GATA2: variants seen among roughly 807,000 people sequenced by gnomAD.
GATA2 encodes the protein endothelial transcription factor GATA-2.
GATA2 carries 6 observed loss-of-function variants against 35.7 expected under a neutral mutation model. That is an observed-to-expected ratio of 0.17 (90% CI 0.09 to 0.33). The LOEUF (loss-of-function observed/expected upper bound fraction) is 0.33, where lower values mean the gene tolerates loss of function less well. GATA2 is among the 10% of genes least tolerant of loss of function. The pLI is 1.00. For missense variants in GATA2, 541 were observed against 656.6 expected, an observed-to-expected ratio of 0.82 and a Z score of 1.92; for synonymous variants, 313 against 274.9, an observed-to-expected ratio of 1.14 and a Z score of -1.37.
chr3:128,479,911 C>G lies in GATA2; in HGVS notation c.*1108G>C, dbSNP rs2068602765. On this transcript the variant is annotated 3_prime_UTR_variant, in exon 6 of 6. Coordinates refer to ENST00000341105, the MANE Select transcript of GATA2 (RefSeq NM_032638.5). ...CTGCCCCCAACTCCTGCCTTCACCC[C>G]CTGCCAGGCCAGCAAATGCCAACCA... is the stretch of plus-strand genomic sequence containing the variant. 4.3e-6 allele frequency: 1 copy of G among 232,762 alleles called. No individual in the cohort carries two copies. Among genetic ancestry groups the G allele is most frequent in the African/African-American group, 2.2e-5 (1 of 45,280 alleles). 14.4% of individuals were successfully genotyped at this position (232,762 alleles called of 1,614,324 possible). A position where few individuals can be genotyped will look rare whatever the true frequency, so the allele number is the denominator to read the frequency against.
At chr3:128,485,414 G>C (rs2068681470) in intron 3 of GATA2, among the ~76,000 whole-genome samples, 1 of 152,118 alleles carries the variant, frequency 6.6e-6, no homozygotes, top group Non-Finnish European at 1.5e-5. Flanking sequence ...GAGGTGGCTT[G>C]AATTTTCACT....
chr3:128,486,374 G>C lies in GATA2; in HGVS notation c.230-6C>G. The C allele has an allele frequency of 6.3e-7, 1 of 1,597,306 alleles. No homozygotes were observed. Among genetic ancestry groups the C allele is most frequent in the Non-Finnish European group, 8.5e-7 (1 of 1,177,518 alleles). ...CTGGCCTCCGGTCAGGCGGGCTGCGGGCAAAGAGAGAGAGGATCAGGGTGG... is the reference window on the plus strand; with the variant it reads ...CTGGCCTCCGGTCAGGCGGGCTGCGCGCAAAGAGAGAGAGGATCAGGGTGG... On this transcript the variant is annotated splice_region_variant and splice_polypyrimidine_tract_variant and intron_variant, in intron 2 of 5. Transcript: ENST00000341105.
chr3:128,491,002 G>T (rs1366802460), intron 1 of GATA2, among the ~76,000 whole-genome samples: 1 of 152,200 alleles, frequency 6.6e-6, no homozygotes, highest in Admixed American at 6.5e-5. Flanking sequence ...GACTGGAGAA[G>T]GTCAGCCAGG....
chr3:128,483,652 G>A (rs1002929576), intron 4 of GATA2, among the ~76,000 whole-genome samples: 13 of 152,194 alleles, frequency 8.5e-5, no homozygotes, highest in Non-Finnish European at 1.8e-4. Flanking sequence ...AGGGTGCCCG[G>A]TGGGCTCCCT....
At position 128,486,226 on chromosome 3, in the gene GATA2, C is replaced by A; in HGVS notation, c.372G>T (p.Thr124=). ...CTCCAGCAGCTGAGGGGTGCAGTGG[C>A]GTCTTGGAGAAGGGGCTCACGGTCC... is the stretch of plus-strand genomic sequence containing the variant. ...NPWTVSPFSK[T]PLHPSAAGGP... is the part of the protein sequence containing the mutation. Residue 124 remains threonine, a synonymous_variant, in exon 3 of 6, where the codon ACG becomes ACT. Coordinates refer to ENST00000341105, the MANE Select transcript of GATA2 (RefSeq NM_032638.5). 6.4e-7 allele frequency: 1 copy of A among 1,561,200 alleles called. No individual in the cohort carries two copies. Among genetic ancestry groups the A allele is most frequent in the Non-Finnish European group, 8.7e-7 (1 of 1,152,786 alleles).
At chr3:128,486,490 GA>G in intron 2 of GATA2, 122 bp from the exon 3 acceptor site, 1 of 1,244,108 alleles carries the variant, frequency 8.0e-7, no homozygotes, top group Non-Finnish European at 1.1e-6. Flanking sequence ...CCTCCCCAAA[GA>G]AAGCCAGAAA....
At chr3:128,483,069 C>T (rs1379982984) in intron 4 of GATA2, among the ~76,000 whole-genome samples, 1 of 152,238 alleles carries the variant, frequency 6.6e-6, no homozygotes, top group Non-Finnish European at 1.5e-5. Context: ...TCCACCTCTA[C>T]CCCCACCCGG....
Position 128,486,001 on chromosome 3 carries a change from C to A in GATA2, c.597G>T (p.Gly199=). The change falls in exon 3 of 6, where the codon GGG becomes GGT. Residue 199 remains glycine, a synonymous_variant. Transcript: ENST00000341105. The part of the protein sequence containing the change: ...GAASPASSSA[G]GSAARGEDKD... ...TGTCCTCTCCTCGGGCTGCACTACCCCCCGCGGAAGATGAGGCTGGAGACG... is the reference window on the plus strand; with the variant it reads ...TGTCCTCTCCTCGGGCTGCACTACCACCCGCGGAAGATGAGGCTGGAGACG... 6.2e-7 allele frequency: 1 copy of A among 1,614,208 alleles called. No homozygotes were observed. The highest frequency in any genetic ancestry group is 8.5e-7 in the Non-Finnish European group (1 of 1,180,022).
chr3:128,486,504 T>A, intron 2 of GATA2, 136 bp from the exon 3 acceptor site: 1 of 1,092,744 alleles, frequency 9.2e-7, no homozygotes, highest in Middle Eastern at 2.9e-4. Context: ...GCCAGAAACA[T>A]AATACCCCAC....
rs1278414376 is a variant in GATA2 at position 128,486,987 on chromosome 3, G to C, written c.45C>G (p.Ala15=). The C allele has an allele frequency of 2.5e-6, 4 of 1,607,530 alleles. No individual in the cohort carries two copies. The highest frequency in any genetic ancestry group is 2.2e-5 in the East Asian group (1 of 44,654). The change falls in exon 2 of 6, where the codon GCC becomes GCG. Residue 15 remains alanine (A), a synonymous_variant. Coordinates refer to ENST00000341105, the MANE Select transcript of GATA2 (RefSeq NM_032638.5). ...AGTCGGGGTGCTGCGCATTCAGCAC[G>C]GCCGGGTGCGCCATCCAGCGCGGCT... The part of the protein sequence containing the change: ...PEQPRWMAHP[A]VLNAQHPDSH...
At position 128,488,675 on chromosome 3, in the gene GATA2, C is replaced by G. The variant is rs2068738131; in HGVS notation, c.-45-1599G>C. 1 of 152,190 alleles carries G rather than the reference C, an allele frequency of 6.6e-6. No homozygotes were observed. Among genetic ancestry groups the G allele is most frequent in the African/African-American group, 2.4e-5 (1 of 41,434 alleles). The allele number at this position is 152,190 out of a possible 1,614,324, so 9.4% of individuals were successfully genotyped here. On this transcript the variant is annotated intron_variant, in intron 1 of 5. Coordinates refer to ENST00000341105, the MANE Select transcript of GATA2 (RefSeq NM_032638.5). This position sits in a 1 kb window ranked among gnomAD's most constrained non-coding sequence, Gnocchi z 5.8. ...CGGCGCCAGCTGGAGGGAGACGCCC[C>G]CGGGCAAGAGGTGGCATTTTTTTTC...
In GATA2 at chr3:128,486,872, A is replaced by C. The variant is rs1576749771; in HGVS notation, c.160T>G (p.Ser54Ala). 1 of 1,612,638 alleles carries C rather than the reference A, an allele frequency of 6.2e-7. No homozygotes were observed. Among genetic ancestry groups the C allele is most frequent in the Non-Finnish European group, 8.5e-7 (1 of 1,179,590 alleles). ...EVDVFFNHLD[S>A]QGNPYYANPA... is the part of the protein sequence containing the mutation. ...TTGGCATAGTAGGGGTTGCCCTGCG[A>C]GTCGAGGTGATTGAAGAAGACGTCC... The change falls in exon 2 of 6, where the codon TCG (serine) becomes GCG (alanine). Residue 54 changes from serine to alanine, a missense_variant. Physicochemically the swap from Ser to Ala is moderately conservative, Grantham distance 99. Transcript: ENST00000341105.
In GATA2 at chr3:128,487,041, C is replaced by T. The variant is rs1016508162; in HGVS notation, c.-10G>A. ...CGGGCGCCACCTCCATGGCCGGCGGCGGCGGCTCAGGGTCTGGGTGCAGAC... is the reference window on the plus strand; with the variant it reads ...CGGGCGCCACCTCCATGGCCGGCGGTGGCGGCTCAGGGTCTGGGTGCAGAC... On this transcript the variant is annotated 5_prime_UTR_variant, in exon 2 of 6. Coordinates refer to ENST00000341105, the MANE Select transcript of GATA2 (RefSeq NM_032638.5). 14 of 1,565,704 alleles carry T rather than the reference C, an allele frequency of 8.9e-6. No homozygotes were observed. In the African/African-American group the frequency reaches 1.8e-4, roughly 20 times the overall value.
In GATA2 at chr3:128,488,118, C is replaced by T. The variant is rs1349104067; in HGVS notation, c.-45-1042G>A. Among the ~76,000 whole-genome samples the T allele has an allele frequency of 1.3e-5, 2 of 152,130 alleles. No homozygotes were observed. The highest frequency in any genetic ancestry group is 2.9e-5 in the Non-Finnish European group (2 of 68,010). The stretch of plus-strand genomic sequence containing the variant: ...TGCGCGCTCCTGGCGGCCCCTGCTG[C>T]CAACGCGCCCCACCACTAAGGGACC... On this transcript the variant is annotated intron_variant, in intron 1 of 5. Coordinates refer to ENST00000341105, the MANE Select transcript of GATA2 (RefSeq NM_032638.5). This position sits in a 1 kb window ranked among gnomAD's most constrained non-coding sequence, Gnocchi z 5.8.
intron 1 of GATA2, chr3:128,489,422 C>G (rs1470374554): frequency 6.6e-6 from 1 of 152,310 alleles, no homozygotes; most frequent in African/African-American, 2.4e-5. Context: ...GCAGGTAAAG[C>G]GCGGGGCTGG....
intron 2 of GATA2, 80 bp from the exon 3 acceptor site, chr3:128,486,448 G>A: frequency 6.6e-7 from 1 of 1,519,600 alleles, no homozygotes; most frequent in Non-Finnish European, 8.9e-7. Flanking sequence ...GACAGACATT[G>A]AGATCACGAC....
Position 128,485,800 on chromosome 3 carries a change from G to A in GATA2, c.798C>T (p.His266=). 2.5e-6 allele frequency: 4 copies of A among 1,614,048 alleles called. No homozygotes were observed. The highest frequency in any genetic ancestry group is 1.7e-6 in the Non-Finnish European group (2 of 1,179,952). ...AAHDYSSGLF[H]PGGFLGGPAS... ...CCGGTCCCCCCAGGAAGCCTCCGGGGTGGAAGAGTCCGCTGCTGTAGTCGT... is the reference window on the plus strand; with the variant it reads ...CCGGTCCCCCCAGGAAGCCTCCGGGATGGAAGAGTCCGCTGCTGTAGTCGT... The change falls in exon 3 of 6, where the codon CAC becomes CAT. Residue 266 remains histidine (H), a synonymous_variant. Coordinates refer to ENST00000341105, the MANE Select transcript of GATA2 (RefSeq NM_032638.5).
chr3:128,484,254 G>A (rs1388831860), intron 3 of GATA2, among the ~76,000 whole-genome samples: 1 of 151,592 alleles, frequency 6.6e-6, no homozygotes, highest in Non-Finnish European at 1.5e-5. Context: ...GGATGGAAAC[G>A]AAGGAGGAGG....
intron 4 of GATA2, 199 bp from the exon 5 acceptor site, chr3:128,482,143 A>C: frequency 1.5e-6 from 1 of 681,454 alleles, no homozygotes; most frequent in South Asian, 1.9e-5. Flanking sequence ...CTTTGGAATA[A>C]AGAACTCTCA....
Sources: gnomAD v4.1 joint callset for allele counts (sites outside exome capture counted in the v4.1 genomes callset) on GRCh38, gnomAD v4.1.1 for gene constraint, Gnocchi (gnomAD v3.1) non-coding constraint, MANE v1.5 for transcripts, NCBI Gene and HGNC (gene_info 2026-07-23, HGNC 2026-07-21) for gene names.